The following KCNV2 variants were observed in gnomAD, a reference collection of about 807,000 sequenced individuals.
The protein encoded by KCNV2 is potassium voltage-gated channel modifier subfamily V member 2, also known as potassium voltage-gated channel subfamily V member 2.
A neutral mutation model predicts 37.0 loss-of-function variants in KCNV2; 65 were observed. The ratio of observed to expected loss-of-function variants is 1.76; its 90% confidence interval spans 1.44 to 2.16. The LOEUF is 2.16. Ranked by LOEUF, KCNV2 falls within the 30% of genes most tolerant of loss-of-function variation. The pLI, the probability that KCNV2 is intolerant of heterozygous loss-of-function variation, is 0.00. For synonymous variants in KCNV2, 518 were observed against 328.6 expected, an observed-to-expected ratio of 1.58 and a Z score of -6.23; for missense variants, 1,232 against 766.7, an observed-to-expected ratio of 1.61 and a Z score of -7.17.
At chr9:2,722,342 T>C (rs1819890594) in intron 1 of KCNV2, among the ~76,000 whole-genome samples, 1 of 138,608 alleles carries the variant, frequency 7.2e-6, no homozygotes, top group Non-Finnish European at 1.5e-5. Context: ...TATTTATAAA[T>C]AAATTAGAAG....
intron 1 of KCNV2, among the ~76,000 whole-genome samples, chr9:2,727,240 C>T (rs1819983310): frequency 1.3e-5 from 2 of 150,142 alleles, no homozygotes; most frequent in East Asian, 1.9e-4. Context: ...AAGAAACACA[C>T]ACCCGGACAC....
Position 2,718,280 on chromosome 9 carries a change from T to C in KCNV2, c.541T>C (p.Phe181Leu), listed in dbSNP as rs534069865. Residue 181 changes from phenylalanine (F) to leucine (L), a missense_variant, in exon 1 of 2, where the codon TTC becomes CTC. Coordinates refer to ENST00000382082, the MANE Select transcript of KCNV2 (RefSeq NM_133497.4). ...GCTCGACGGGCTGTGTCCGCGCCGC[T>C]TCCTGGAGGAGCTGGGCTACTGGGG... ...LVLDGLCPRR[F>L]LEELGYWGVR... 1.9e-6 allele frequency: 3 copies of C among 1,611,798 alleles called. No homozygotes were observed. Among genetic ancestry groups the C allele is most frequent in the South Asian group, 1.1e-5 (1 of 90,950 alleles).
At chr9:2,727,381 T>C (rs991865185) in intron 1 of KCNV2, among the ~76,000 whole-genome samples, 6 of 152,156 alleles carry the variant, frequency 3.9e-5, no homozygotes, top group Admixed American at 3.9e-4. Context: ...CATGTATACA[T>C]ATGTAACTAA....
rs778850731 is a variant in KCNV2 at position 2,718,034 on chromosome 9, C to A, written c.295C>A (p.Leu99Met). 3 of 1,612,084 alleles carry A rather than the reference C, an allele frequency of 1.9e-6. No individual in the cohort carries two copies. The highest frequency in any genetic ancestry group is 1.7e-5 in the Admixed American group (1 of 59,702). The change falls in exon 1 of 2, where the codon CTG becomes ATG. Residue 99 changes from leucine to methionine, a missense_variant. By Grantham distance (15) the Leu-to-Met change is conservative (BLOSUM62 2). Coordinates refer to ENST00000382082, the MANE Select transcript of KCNV2 (RefSeq NM_133497.4). ...PSDPPALLST[L>M]NVNVGGHSYQ... The stretch of plus-strand genomic sequence containing the variant: ...CGACCCTCCGGCCCTGCTGTCCACG[C>A]TGAATGTGAACGTGGGTGGCCACAG...
chr9:2,718,910 G>T lies in KCNV2; in HGVS notation c.1171G>T (p.Ala391Ser). Residue 391 changes from alanine to serine, a missense_variant, in exon 1 of 2, where the codon GCG (alanine) becomes TCG (serine). Physicochemically the swap from Ala to Ser is moderately conservative, Grantham distance 99. Coordinates refer to ENST00000382082, the MANE Select transcript of KCNV2 (RefSeq NM_133497.4). ...LMRIFRILKL[A>S]RHSTGLRAFG... The stretch of plus-strand genomic sequence containing the variant: ...GCGCATCTTCCGCATCCTCAAGCTG[G>T]CGCGCCACTCCACCGGACTGCGTGC... The T allele has an allele frequency of 6.2e-7, 1 of 1,609,036 alleles. No homozygotes were observed.
chr9:2,720,412 G>T (rs1455672085), intron 1 of KCNV2: 2 of 152,162 alleles, frequency 1.3e-5, no homozygotes, highest in African/African-American at 4.8e-5. Flanking sequence ...TGAAAGCAGG[G>T]AGCTCATATG....
At chr9:2,722,549 AT>A (rs1252818851) in intron 1 of KCNV2, among the ~76,000 whole-genome samples, 5 of 145,510 alleles carry the variant, frequency 3.4e-5, no homozygotes. Context: ...ATTAGAAGTT[AT>A]TTATAAATAA....
chr9:2,718,307 G>T lies in KCNV2; in HGVS notation c.568G>T (p.Val190Leu). 2 of 1,608,644 alleles carry T rather than the reference G, an allele frequency of 1.2e-6. No individual in the cohort carries two copies. Among genetic ancestry groups the T allele is most frequent in the Non-Finnish European group, 8.5e-7 (1 of 1,178,990 alleles). ...RFLEELGYWG[V>L]RLKYTPRCCR... Reference sequence around the variant, plus strand: ...CCTGGAGGAGCTGGGCTACTGGGGCGTGCGGCTCAAGTACACGCCACGCTG... The same window carrying T: ...CCTGGAGGAGCTGGGCTACTGGGGCTTGCGGCTCAAGTACACGCCACGCTG... Residue 190 changes from valine (V) to leucine (L), a missense_variant, in exon 1 of 2, where the codon GTG (valine) becomes TTG (leucine). By Grantham distance (32) the Val-to-Leu change is conservative (BLOSUM62 1). Coordinates refer to ENST00000382082, the MANE Select transcript of KCNV2 (RefSeq NM_133497.4).
rs1218654599 is a variant in KCNV2 at position 2,722,521 on chromosome 9, AAAGTTATTTATAAATAAATTAG to A, written c.1356+3460_1356+3481del. Among the ~76,000 whole-genome samples the A allele has an allele frequency of 4.5e-3, 524 of 116,162 alleles. 44 individuals carry two copies. The highest frequency in any genetic ancestry group is 0.018 in the African/African-American group (422 of 22,982). The allele number at this position is 116,162 out of a possible 152,430, so 76.2% of individuals were successfully genotyped here. A position where few individuals can be genotyped will look rare whatever the true frequency, so the allele number is the denominator to read the frequency against. On this transcript the variant is annotated intron_variant, in intron 1 of 1. Transcript: ENST00000382082. ...TTTATAAATAAGTTATTTATAAATAAAAGTTATTTATAAATAAATTAGAAGTTATTTATAAATAAATTAGAAG... is the reference window on the plus strand; with the variant it reads ...TTTATAAATAAGTTATTTATAAATAAAAGTTATTTATAAATAAATTAGAAG...
At chr9:2,727,244 C>T (rs539725850) in intron 1 of KCNV2, among the ~76,000 whole-genome samples, 2 of 145,352 alleles carry the variant, frequency 1.4e-5, no homozygotes, top group African/African-American at 5.2e-5. Context: ...AACACACACC[C>T]GGACACAGGA....
intron 1 of KCNV2, 115 bp from the exon 2 acceptor site, chr9:2,729,331 A>G (rs1325198014): frequency 2.6e-6 from 3 of 1,160,778 alleles, no homozygotes; most frequent in Non-Finnish European, 3.8e-6. Flanking sequence ...GTGGGAAGCC[A>G]TTACACTTCC....
intron 1 of KCNV2, among the ~76,000 whole-genome samples, 155 bp from the exon 2 acceptor site, chr9:2,729,291 G>C (rs572770057): frequency 1.2e-4 from 19 of 152,260 alleles, no homozygotes; most frequent in Admixed American, 9.8e-4. Context: ...CCTAGAGGGA[G>C]TCTTCCTGGT....
In KCNV2 at chr9:2,717,985, C is replaced by A. The variant is rs776718555; in HGVS notation, c.246C>A (p.Thr82=). The A allele has an allele frequency of 1.9e-6, 3 of 1,614,116 alleles. No homozygotes were observed. In the South Asian group the frequency reaches 3.3e-5, roughly 18 times the overall value. ...AGGACCAGCAGGCAGGGGAGGTCAC[C>A]ACCGCCAAGCCCGAGGGCCCCAGCG... ...AEEDQQAGEV[T]TAKPEGPSDP... The change falls in exon 1 of 2, where the codon ACC becomes ACA. Residue 82 remains threonine (T), a synonymous_variant. Transcript: ENST00000382082.
Position 2,717,592 on chromosome 9 carries a change from C to A in KCNV2, c.-148C>A. On this transcript the variant is annotated 5_prime_UTR_variant, in exon 1 of 2. Transcript: ENST00000382082. ...ACCTGAGAAGGGGCAGCTCCGGTGG[C>A]AATGTCTGAGCCCCTAGCTGTGCTG... 4.0e-6 allele frequency: 4 copies of A among 988,300 alleles called. No homozygotes were observed. The highest frequency in any genetic ancestry group is 6.1e-6 in the Non-Finnish European group (4 of 651,394). The allele number at this position is 988,300 out of a possible 1,614,324, so 61.2% of individuals were successfully genotyped here. A position where few individuals can be genotyped will look rare whatever the true frequency, so the allele number is the denominator to read the frequency against.
intron 1 of KCNV2, among the ~76,000 whole-genome samples, chr9:2,723,755 A>G (rs563945221): frequency 1.3e-5 from 2 of 152,326 alleles, no homozygotes; most frequent in East Asian, 3.9e-4. Flanking sequence ...GAACCTATAA[A>G]ACATACGAGA....
In KCNV2 at chr9:2,717,638, G is replaced by C. The variant is rs1586686222; in HGVS notation, c.-102G>C. ...TGCTGGTCCGGGCTGGCCTCTCTAA[G>C]ACAGTGCAGGCCACGTGATCCATCC... On this transcript the variant is annotated 5_prime_UTR_variant, in exon 1 of 2. Coordinates refer to ENST00000382082, the MANE Select transcript of KCNV2 (RefSeq NM_133497.4). 1.3e-6 allele frequency: 2 copies of C among 1,483,762 alleles called. No homozygotes were observed. The highest frequency in any genetic ancestry group is 1.9e-6 in the Non-Finnish European group (2 of 1,066,990). The allele number at this position is 1,483,762 out of a possible 1,614,324, so 91.9% of individuals were successfully genotyped here.
rs200556800 is a variant in KCNV2 at position 2,718,665 on chromosome 9, G to A, written c.926G>A (p.Cys309Tyr). 7 of 1,613,360 alleles carry A rather than the reference G, an allele frequency of 4.3e-6. No homozygotes were observed. The highest frequency in any genetic ancestry group is 5.9e-6 in the Non-Finnish European group (7 of 1,179,834). ...RPILEHVEML[C>Y]MGFFTLEYLL... is the part of the protein sequence containing the mutation. Reference sequence around the variant, plus strand: ...ATCCTGGAGCACGTGGAGATGCTGTGCATGGGCTTCTTCACGCTCGAGTAC... The same window carrying A: ...ATCCTGGAGCACGTGGAGATGCTGTACATGGGCTTCTTCACGCTCGAGTAC... The change falls in exon 1 of 2, where the codon TGC becomes TAC. Residue 309 changes from cysteine to tyrosine, a missense_variant. Physicochemically the swap from Cys to Tyr is radical, Grantham distance 194. Transcript: ENST00000382082.
chr9:2,723,659 C>T (rs1819919658), intron 1 of KCNV2, among the ~76,000 whole-genome samples: 1 of 152,226 alleles, frequency 6.6e-6, no homozygotes, highest in Non-Finnish European at 1.5e-5. Context: ...TAGTCTTTGT[C>T]ACATGGAAGC....
chr9:2,720,391 C>T (rs532899025), intron 1 of KCNV2: 67 of 152,322 alleles, frequency 4.4e-4, no homozygotes, highest in African/African-American at 1.6e-3. Context: ...TTCAGTGAGT[C>T]TTCCTTCCCT....
Sources: gnomAD v4.1 joint callset for allele counts (sites outside exome capture counted in the v4.1 genomes callset) on GRCh38, gnomAD v4.1.1 for gene constraint, MANE v1.5 for transcripts, NCBI Gene and HGNC (gene_info 2026-07-23, HGNC 2026-07-21) for gene names.